The following TANC1 variants were observed in gnomAD, a reference collection of about 807,000 sequenced individuals.
The protein encoded by TANC1 is tetratricopeptide repeat, ankyrin repeat and coiled-coil containing 1.
A neutral mutation model predicts 149.7 loss-of-function variants in TANC1; 77 were observed. The observed-to-expected ratio is 0.51, with a 90% CI of 0.43 to 0.62. TANC1 has a LOEUF of 0.62. Among genes scored for constraint, TANC1 ranks in the 20% least tolerant of loss-of-function variants. TANC1 has a pLI of 0.00. For synonymous variants in TANC1, 854 were observed against 925.0 expected, an observed-to-expected ratio of 0.92 and a Z score of 1.39; for missense variants, 1,985 against 2,321.8, an observed-to-expected ratio of 0.85 and a Z score of 2.98.
chr2:159,198,163 G>T (rs1402657777), intron 18 of TANC1, among the ~76,000 whole-genome samples: 4 of 152,138 alleles, frequency 2.6e-5, no homozygotes, highest in Non-Finnish European at 4.4e-5. Context: ...TTAAGAGGAT[G>T]GTTGTGATTG....
intron 20 of TANC1, among the ~76,000 whole-genome samples, chr2:159,218,088 T>A (rs1443294872): frequency 3.6e-5 from 4 of 109,776 alleles, no homozygotes; most frequent in African/African-American, 1.4e-4. Context: ...TGTTTTGTTT[T>A]GTTTTTTTAC....
chr2:158,990,985 A>G (rs528826787), intron 1 of TANC1, among the ~76,000 whole-genome samples: 2 of 145,442 alleles, frequency 1.4e-5, no homozygotes, highest in South Asian at 4.7e-4. Flanking sequence ...AGGTGGGAGG[A>G]TTGCTTGAGC....
intron 1 of TANC1, among the ~76,000 whole-genome samples, chr2:158,996,714 T>G (rs1218196934): frequency 1.3e-5 from 2 of 152,210 alleles, no homozygotes; most frequent in African/African-American, 4.8e-5. Context: ...ATCTTATTAG[T>G]ATCTGAGTAA....
chr2:159,134,674 C>T (rs1280276293), intron 4 of TANC1, among the ~76,000 whole-genome samples: 2 of 151,952 alleles, frequency 1.3e-5, no homozygotes, highest in Admixed American at 1.3e-4. Context: ...TTAGTTGAGA[C>T]GGGGTTTCAC....
intron 22 of TANC1, among the ~76,000 whole-genome samples, chr2:159,220,696 T>C (rs998019997): frequency 6.6e-6 from 1 of 151,786 alleles, no homozygotes; most frequent in African/African-American, 2.4e-5. Context: ...TCTCAAGAGG[T>C]CCTCCCACCT....
chr2:159,207,164 C>T (rs996049173), intron 19 of TANC1, among the ~76,000 whole-genome samples: 1 of 152,216 alleles, frequency 6.6e-6, no homozygotes, highest in Non-Finnish European at 1.5e-5. Context: ...ACCGCTCAAA[C>T]ATTCGTGCCA....
chr2:159,107,201 A>G (rs563113940), intron 4 of TANC1, among the ~76,000 whole-genome samples: 83 of 151,730 alleles, frequency 5.5e-4, no homozygotes, highest in African/African-American at 1.8e-3. Context: ...CTAATTTTGT[A>G]TTTTTAGTAG....
At position 159,163,682 on chromosome 2, in the gene TANC1, C is replaced by G. The variant is rs911771840; in HGVS notation, c.946+136C>G. The G allele has an allele frequency of 6.5e-5, 55 of 844,868 alleles. 1 individual carries two copies. The Middle Eastern group carries it at 1.1e-3, about 17-fold the overall frequency. 52.3% of individuals were successfully genotyped at this position (844,868 alleles called of 1,614,324 possible). A position where few individuals can be genotyped will look rare whatever the true frequency, so the allele number is the denominator to read the frequency against. On this transcript the variant is annotated intron_variant, in intron 8 of 26. Coordinates refer to ENST00000263635, the MANE Select transcript of TANC1 (RefSeq NM_033394.3). ...GGGTCAGGCACTTACCTTTTCTAAG[C>G]CTCAGTTTACTAATCTGTAAACACA...
chr2:159,003,071 C>T (rs907501824), intron 2 of TANC1, among the ~76,000 whole-genome samples: 2 of 152,170 alleles, frequency 1.3e-5, no homozygotes, highest in African/African-American at 2.4e-5. Flanking sequence ...CATCAAAAGT[C>T]GTTTGCAGAA....
At chr2:159,124,299 G>A (rs886182746) in intron 4 of TANC1, among the ~76,000 whole-genome samples, 6 of 152,100 alleles carry the variant, frequency 3.9e-5, no homozygotes, top group African/African-American at 7.2e-5. Flanking sequence ...AGCTGAGATC[G>A]CACCACTGCA....
At chr2:158,969,274 G>A (rs527954733) in intron 1 of TANC1, among the ~76,000 whole-genome samples, 7 of 152,350 alleles carry the variant, frequency 4.6e-5, no homozygotes, top group African/African-American at 1.7e-4. Context: ...GGCGCCCCCC[G>A]GAGTGTTGGG....
At chr2:159,224,728 G>C in intron 23 of TANC1, 1 of 215,176 alleles carries the variant, frequency 4.6e-6, no homozygotes. Context: ...CTGTTCTAGA[G>C]CCACCAGTCA....
chr2:159,003,560 T>C (rs1254044559), intron 2 of TANC1, among the ~76,000 whole-genome samples: 3 of 152,140 alleles, frequency 2.0e-5, no homozygotes, highest in Non-Finnish European at 4.4e-5. Context: ...AGTTAATGGG[T>C]TGGATTCCTT....
intron 2 of TANC1, among the ~76,000 whole-genome samples, chr2:159,035,057 A>C (rs1424436703): frequency 6.6e-6 from 1 of 152,200 alleles, no homozygotes; most frequent in Non-Finnish European, 1.5e-5. Context: ...TGGTCTGAGG[A>C]GGCCCAGTGC....
intron 4 of TANC1, among the ~76,000 whole-genome samples, chr2:159,110,581 C>T (rs565511128): frequency 1.3e-5 from 2 of 152,362 alleles, no homozygotes; most frequent in African/African-American, 2.4e-5. Flanking sequence ...TCCCAAAGTG[C>T]TGGGATTACA....
chr2:159,217,114 A>C (rs2059397811), intron 19 of TANC1, among the ~76,000 whole-genome samples: 1 of 152,162 alleles, frequency 6.6e-6, no homozygotes, highest in African/African-American at 2.4e-5. Context: ...CAGATGGGAC[A>C]TGCATGTGGC....
At chr2:159,094,344 C>G (rs2045860982) in intron 3 of TANC1, among the ~76,000 whole-genome samples, 1 of 152,202 alleles carries the variant, frequency 6.6e-6, no homozygotes, top group Admixed American at 6.5e-5. Flanking sequence ...GCTGTGGCCT[C>G]AGTGCTTTCC....
chr2:159,150,282 A>T, intron 6 of TANC1, 88 bp from the exon 7 acceptor site: 2 of 1,067,256 alleles, frequency 1.9e-6, no homozygotes, highest in Non-Finnish European at 2.7e-6. Flanking sequence ...TCCTGTTCTT[A>T]GTTTTATTGT....
At chr2:159,222,304 T>A (rs975908424) in intron 22 of TANC1, among the ~76,000 whole-genome samples, 1 of 152,308 alleles carries the variant, frequency 6.6e-6, no homozygotes, top group East Asian at 1.9e-4. Context: ...CATATAGAGT[T>A]CAGTAGTTTA....
Sources: gnomAD v4.1 joint callset for allele counts (sites outside exome capture counted in the v4.1 genomes callset) on GRCh38, gnomAD v4.1.1 for gene constraint, MANE v1.5 for transcripts, NCBI Gene and HGNC (gene_info 2026-07-23, HGNC 2026-07-21) for gene names.